Variants in MAP3K13 observed in about 807,000 individuals in gnomAD.
The protein encoded by MAP3K13 is leucine zipper-bearing kinase.
In MAP3K13, 52 loss-of-function variants were observed where a neutral mutation model predicts 104.0. That is an observed-to-expected ratio of 0.50 (90% confidence interval 0.40 to 0.63). The LOEUF (loss-of-function observed/expected upper bound fraction) is 0.63. MAP3K13 is among the 20% of genes least tolerant of loss of function. The pLI, the probability that MAP3K13 is intolerant of heterozygous loss-of-function variation, is 0.00. For synonymous variants in MAP3K13, 394 were observed against 442.2 expected, an observed-to-expected ratio of 0.89 and a Z score of 1.37; for missense variants, 914 against 1,218.5, an observed-to-expected ratio of 0.75 and a Z score of 3.72.
chr3:185,336,541 CAAAAAAA>C lies in MAP3K13; in HGVS notation c.-86+50908_-86+50914del, dbSNP rs1357841912. On this transcript the variant is annotated intron_variant, in intron 2 of 14. Coordinates refer to the MAP3K13 transcript ENST00000424227. ...TGGGTGACAGAGTGAGACTCTGTCT[CAAAAAAA>C]AAAAAAAAAGAAAAGAAAGTTTAAG... 5.1e-5 allele frequency among the ~76,000 whole-genome samples: 4 copies of C among 77,914 alleles called. No individual in the cohort carries two copies. The South Asian group carries it at 1.3e-3, about 26-fold the overall frequency. The allele number at this position is 77,914 out of a possible 152,430, so 51.1% of individuals were successfully genotyped here.
At chr3:185,396,360 A>C (rs1712419129) in intron 1 of MAP3K13, among the ~76,000 whole-genome samples, 1 of 150,918 alleles carries the variant, frequency 6.6e-6, no homozygotes, top group Non-Finnish European at 1.5e-5. Context: ...ACAGAGGAAG[A>C]CTCTGTCTCA....
chr3:185,472,236 G>C (rs1341848400), intron 10 of MAP3K13, among the ~76,000 whole-genome samples: 1 of 132,646 alleles, frequency 7.5e-6, no homozygotes, highest in Admixed American at 8.2e-5. Context: ...TTGAGACAGA[G>C]TCTCACTCTG....
At chr3:185,474,879 G>C (rs1287857893) in intron 11 of MAP3K13, among the ~76,000 whole-genome samples, 1 of 152,072 alleles carries the variant, frequency 6.6e-6, no homozygotes, top group Non-Finnish European at 1.5e-5. Context: ...GGTGGATCAT[G>C]AGGTCAGGAG....
intron 2 of MAP3K13, among the ~76,000 whole-genome samples, chr3:185,327,215 T>A (rs1358699475): frequency 6.6e-6 from 1 of 152,086 alleles, no homozygotes; most frequent in Non-Finnish European, 1.5e-5. Context: ...GCTAGTCAAG[T>A]CCTCCTATCA....
At chr3:185,409,893 A>G (rs1341520459) in intron 1 of MAP3K13, among the ~76,000 whole-genome samples, 5 of 152,194 alleles carry the variant, frequency 3.3e-5, no homozygotes, top group Non-Finnish European at 2.9e-5. Context: ...CCAGTTTCGT[A>G]GTAGACAATT....
chr3:185,417,493 G>A (rs1713845497), intron 1 of MAP3K13: 2 of 1,589,166 alleles, frequency 1.3e-6, no homozygotes, highest in East Asian at 2.2e-5. Context: ...AAATTTAAGA[G>A]TTTATGCAGC....
chr3:185,448,407 C>T (rs1715707837), intron 5 of MAP3K13, among the ~76,000 whole-genome samples: 1 of 151,990 alleles, frequency 6.6e-6, no homozygotes, highest in Admixed American at 6.6e-5. Context: ...GTTGTTTTGC[C>T]CTTTTATTGA....
intron 2 of MAP3K13, among the ~76,000 whole-genome samples, chr3:185,295,815 A>G (rs1720902067): frequency 6.6e-6 from 1 of 152,200 alleles, no homozygotes; most frequent in Non-Finnish European, 1.5e-5. Context: ...CTGTATGCCC[A>G]GTGTTTAGGA....
intron 2 of MAP3K13, among the ~76,000 whole-genome samples, chr3:185,429,258 C>T (rs1416426653): frequency 6.6e-6 from 1 of 152,136 alleles, no homozygotes; most frequent in East Asian, 1.9e-4. Flanking sequence ...TGTAGCCCAT[C>T]TTTTGTGGTC....
At chr3:185,479,709 T>G (rs994949090) in intron 12 of MAP3K13, among the ~76,000 whole-genome samples, 1 of 152,196 alleles carries the variant, frequency 6.6e-6, no homozygotes, top group African/African-American at 2.4e-5. Flanking sequence ...TACTACAGAT[T>G]GGATGGCTTA....
Position 185,473,851 on chromosome 3 carries a change from A to G in MAP3K13, c.2430+90A>G, listed in dbSNP as rs1274181653. ...TATACACATTAGAGAGCATATGTAAAAAGTATACATTTTGTAAAAGGACAA... is the reference window on the plus strand; with the variant it reads ...TATACACATTAGAGAGCATATGTAAGAAGTATACATTTTGTAAAAGGACAA... On this transcript the variant is annotated intron_variant, in intron 11 of 13. Coordinates refer to ENST00000265026, the MANE Select transcript of MAP3K13 (RefSeq NM_004721.5). This position sits in a 1 kb window ranked among gnomAD's most constrained non-coding sequence, Gnocchi z 4.9. The G allele has an allele frequency of 1.5e-6, 2 of 1,328,052 alleles. No individual in the cohort carries two copies. Among genetic ancestry groups the G allele is most frequent in the East Asian group, 4.6e-5 (2 of 43,186 alleles). The allele number at this position is 1,328,052 out of a possible 1,614,324, so 82.3% of individuals were successfully genotyped here. A position where few individuals can be genotyped will look rare whatever the true frequency, so the allele number is the denominator to read the frequency against.
rs567256458 is a variant in MAP3K13 at position 185,314,493 on chromosome 3, G to GTA, written c.-86+28851_-86+28852dup. Among the ~76,000 whole-genome samples, 7 of 152,224 alleles carry GTA rather than the reference G, an allele frequency of 4.6e-5. No individual in the cohort carries two copies. The South Asian group carries it at 1.4e-3, about 32-fold the overall frequency. On this transcript the variant is annotated intron_variant, in intron 2 of 14. Transcript: ENST00000424227. ...TAGCTGGGCATCGTGATGCATGCCTGTAATCCCAGCTACTCAGGAGGCTGA... is the reference window on the plus strand; with the variant it reads ...TAGCTGGGCATCGTGATGCATGCCTGTATAATCCCAGCTACTCAGGAGGCTGA...
chr3:185,321,341 T>G (rs1721861125), intron 2 of MAP3K13, among the ~76,000 whole-genome samples: 1 of 152,246 alleles, frequency 6.6e-6, no homozygotes, highest in African/African-American at 2.4e-5. Context: ...CAATGCATAT[T>G]CAACACTATC....
At position 185,488,989 on chromosome 3, in the gene MAP3K13, G is replaced by C. The variant is rs1718853560; in HGVS notation, c.*6533G>C. 2 of 152,344 alleles carry C rather than the reference G, an allele frequency of 1.3e-5. 1 individual carries two copies. Among genetic ancestry groups the C allele is most frequent in the South Asian group, 4.1e-4 (2 of 4,828 alleles). 9.4% of individuals were successfully genotyped at this position (152,344 alleles called of 1,614,324 possible). On this transcript the variant is annotated 3_prime_UTR_variant, in exon 14 of 14. Coordinates refer to ENST00000265026, the MANE Select transcript of MAP3K13 (RefSeq NM_004721.5). ...CTGTACTGTCAGTCCCCAGCTCCCA[G>C]TGTTGTTTTCTGATGCCGGCTCCCT...
chr3:185,455,563 A>ACATATATGACATATATATCATATATAT (rs1217413167), intron 7 of MAP3K13, among the ~76,000 whole-genome samples: 3 of 18,350 alleles, frequency 1.6e-4, no homozygotes, highest in Non-Finnish European at 2.6e-4. Flanking sequence ...GATATATATG[A>ACATATATGACATATATATCATATATAT]GATATATATG....
chr3:185,408,443 A>G (rs1018172343), intron 1 of MAP3K13, among the ~76,000 whole-genome samples: 3 of 152,014 alleles, frequency 2.0e-5, no homozygotes, highest in African/African-American at 7.2e-5. Context: ...ATGGTGGCGC[A>G]TGCCTGTGAT....
intron 2 of MAP3K13, among the ~76,000 whole-genome samples, chr3:185,330,616 AT>A (rs1722230235): frequency 1.3e-5 from 2 of 152,066 alleles, no homozygotes; most frequent in Non-Finnish European, 2.9e-5. Context: ...GGCAGGTAAC[AT>A]TGTTACTAGG....
chr3:185,316,633 C>CA (rs1560044832), intron 2 of MAP3K13, among the ~76,000 whole-genome samples: 1 of 151,440 alleles, frequency 6.6e-6, no homozygotes, highest in Admixed American at 6.6e-5. Flanking sequence ...AGACCTGTCT[C>CA]AAAAAAGGAA....
chr3:185,330,510 A>G (rs575128710), intron 2 of MAP3K13, among the ~76,000 whole-genome samples: 43 of 152,184 alleles, frequency 2.8e-4, no homozygotes, highest in Non-Finnish European at 5.6e-4. Flanking sequence ...AACTTCTCCA[A>G]GTCAATAGCT....
Sources: allele counts gnomAD v4.1 joint callset (sites outside exome capture counted in the v4.1 genomes callset), GRCh38; gene constraint gnomAD v4.1.1; non-coding constraint Gnocchi (gnomAD v3.1); transcripts MANE v1.5; gene names NCBI Gene and HGNC (gene_info 2026-07-23, HGNC 2026-07-21).